Variants in AGAP1 observed in about 807,000 individuals in gnomAD.
AGAP1 encodes the protein arf-GAP with GTPase, ANK repeat and PH domain-containing protein 1.
A neutral mutation model predicts 105.3 loss-of-function variants in AGAP1; 29 were observed. The observed-to-expected ratio is 0.28, with a 90% CI of 0.21 to 0.38. AGAP1 has a LOEUF of 0.38. Among genes scored for constraint, AGAP1 ranks in the 10% least tolerant of loss-of-function variants. The pLI is 1.00. For synonymous variants in AGAP1, 509 were observed against 485.9 expected, an observed-to-expected ratio of 1.05 and a Z score of -0.63; for missense variants, 998 against 1,165.1, an observed-to-expected ratio of 0.86 and a Z score of 2.09.
Position 236,036,723 on chromosome 2 carries a change from C to G in AGAP1, c.1800+8C>G, listed in dbSNP as rs759915852. The G allele has an allele frequency of 6.2e-7, 1 of 1,613,998 alleles. No homozygotes were observed. On this transcript the variant is annotated splice_region_variant and intron_variant, in intron 14 of 17. Transcript: ENST00000304032. The surrounding 1 kb of genome is among the most constrained non-coding windows in gnomAD (Gnocchi z 5.7). ...GAGAGCAGCAAGAACAAGGTGAGGC[C>G]CCTGGCTGCCCAAAACCAAGGCTGG...
chr2:235,935,249 TCAAATTGCCGTCTGCCGGCTTGCAAGC>T (rs888505286), intron 12 of AGAP1, among the ~76,000 whole-genome samples: 1 of 152,132 alleles, frequency 6.6e-6, no homozygotes, highest in Non-Finnish European at 1.5e-5. Context: ...GTTGAGGGTT[TCAAATTGCCGTCTGCCGGCTTGCAAGC>T]CGCACGGAGG....
At position 235,556,888 on chromosome 2, in the gene AGAP1, C is replaced by T. The variant is rs1443361560; in HGVS notation, c.163+62039C>T. Among the ~76,000 whole-genome samples the T allele has an allele frequency of 6.6e-6, 1 of 152,174 alleles. No homozygotes were observed. The highest frequency in any genetic ancestry group is 2.4e-5 in the African/African-American group (1 of 41,452). ...TAAGCTTGTGTGGTCTTTTGCTCTT[C>T]ATTGGCAATGTAGAAGTCAAGTTTG... is the stretch of plus-strand genomic sequence containing the variant. On this transcript the variant is annotated intron_variant, in intron 1 of 17. Transcript: ENST00000304032. This position sits in a 1 kb window ranked among gnomAD's most constrained non-coding sequence, Gnocchi z 5.3.
rs1034583190 is a variant in AGAP1 at position 236,042,608 on chromosome 2, G to A, written c.1891+1767G>A. Among the ~76,000 whole-genome samples the A allele has an allele frequency of 1.3e-5, 2 of 152,140 alleles. No homozygotes were observed. The highest frequency in any genetic ancestry group is 2.4e-5 in the African/African-American group (1 of 41,426). ...TGTTTCCACCGTGCGTCTGAAGGTC[G>A]CTTTAAAAGGAAAGCCATCCGTGGC... On this transcript the variant is annotated intron_variant, in intron 15 of 17. Transcript: ENST00000304032. This position sits in a 1 kb window ranked among gnomAD's most constrained non-coding sequence, Gnocchi z 5.6.
intron 13 of AGAP1, among the ~76,000 whole-genome samples, chr2:236,016,771 G>T (rs1435275006): frequency 6.6e-6 from 1 of 152,178 alleles, no homozygotes; most frequent in Non-Finnish European, 1.5e-5. Flanking sequence ...CCCTCTGTCA[G>T]TAGCTATGAA....
At position 235,788,589 on chromosome 2, in the gene AGAP1, G is replaced by T. The variant is rs1032865567; in HGVS notation, c.674-9170G>T. On this transcript the variant is annotated intron_variant, in intron 6 of 17. Coordinates refer to ENST00000304032, the MANE Select transcript of AGAP1 (RefSeq NM_001037131.3). This position sits in a 1 kb window ranked among gnomAD's most constrained non-coding sequence, Gnocchi z 6.0. ...TAGGTGAGGCCGGGCAAGGAGAGGA[G>T]TGGGAGGGTCCATCGGTGTCGTCAG... Among the ~76,000 whole-genome samples the T allele has an allele frequency of 6.6e-6, 1 of 151,956 alleles. No homozygotes were observed. Among genetic ancestry groups the T allele is most frequent in the African/African-American group, 2.4e-5 (1 of 41,360 alleles).
At chr2:235,969,006 T>G (rs1357671527) in intron 13 of AGAP1, among the ~76,000 whole-genome samples, 1 of 152,224 alleles carries the variant, frequency 6.6e-6, no homozygotes, top group African/African-American at 2.4e-5. Flanking sequence ...ACTTCTAGTT[T>G]AGGAATCATC....
intron 8 of AGAP1, among the ~76,000 whole-genome samples, chr2:235,805,008 G>C (rs1957766607): frequency 6.6e-6 from 1 of 152,210 alleles, no homozygotes; most frequent in Non-Finnish European, 1.5e-5. Context: ...ATATGCTGGG[G>C]TGTCTATGTC....
chr2:235,731,952 T>C (rs901856627), intron 3 of AGAP1, among the ~76,000 whole-genome samples: 2 of 152,098 alleles, frequency 1.3e-5, no homozygotes, highest in African/African-American at 2.4e-5. Flanking sequence ...AGGGAAGAAA[T>C]GGAAGGGGCA....
Position 235,744,397 on chromosome 2 carries a change from C to G in AGAP1, c.397-301C>G, listed in dbSNP as rs774699331. On this transcript the variant is annotated intron_variant, in intron 4 of 17. Transcript: ENST00000304032. This position sits in a 1 kb window ranked among gnomAD's most constrained non-coding sequence, Gnocchi z 5.2. ...TTGGCAGGTCGGGGCAGCGGGCGGA[C>G]AGGCCAGGAGCATGAGGACCGCGGG... is the stretch of plus-strand genomic sequence containing the variant. Among the ~76,000 whole-genome samples, 4 of 152,132 alleles carry G rather than the reference C, an allele frequency of 2.6e-5. No homozygotes were observed. Among genetic ancestry groups the G allele is most frequent in the Admixed American group, 6.6e-5 (1 of 15,260 alleles).
At chr2:235,542,135 C>G (rs1170735695) in intron 1 of AGAP1, among the ~76,000 whole-genome samples, 1 of 152,020 alleles carries the variant, frequency 6.6e-6, no homozygotes, top group Non-Finnish European at 1.5e-5. Flanking sequence ...TGTTTGTGTG[C>G]TTTGTATTTT....
rs185892419 is a variant in AGAP1, at chr2:235,756,403, G to A, written c.673+5915G>A. On this transcript the variant is annotated intron_variant, in intron 6 of 17. Transcript: ENST00000304032. ...CTTTGTGGTAGCTGTATGGCATGTG[G>A]GATTTTAAAGGCCCCTGATTCCTAA... 1.1e-3 allele frequency among the ~76,000 whole-genome samples: 164 copies of A among 152,210 alleles called. 3 individuals carry two copies. The highest frequency in any genetic ancestry group is 6.8e-3 in the Middle Eastern group (2 of 294).
intron 8 of AGAP1, 108 bp from the exon 9 acceptor site, chr2:235,807,131 G>T (rs565458296): frequency 1.9e-6 from 2 of 1,072,314 alleles, no homozygotes; most frequent in African/African-American, 3.2e-5. Context: ...CACATAGATC[G>T]CGCATGTTTT....
chr2:236,124,702 T>C lies in AGAP1; in HGVS notation c.*580T>C, dbSNP rs562954152. On this transcript the variant is annotated 3_prime_UTR_variant, in exon 18 of 18. Coordinates refer to ENST00000304032, the MANE Select transcript of AGAP1 (RefSeq NM_001037131.3). The surrounding 1 kb of genome is among the most constrained non-coding windows in gnomAD (Gnocchi z 5.1). ...CTTCATTACACTTGTACAGCCGAGT[T>C]CTTCCCGCATTACTGCTGTTTAATA... is the stretch of plus-strand genomic sequence containing the variant. 1.3e-5 allele frequency: 2 copies of C among 157,294 alleles called. No homozygotes were observed. The highest frequency in any genetic ancestry group is 3.8e-4 in the East Asian group (2 of 5,248). The allele number at this position is 157,294 out of a possible 1,614,324, so 9.7% of individuals were successfully genotyped here.
Position 235,838,590 on chromosome 2 carries a change from A to T in AGAP1, c.1050+31259A>T, listed in dbSNP as rs113980553. On this transcript the variant is annotated intron_variant, in intron 9 of 17. Coordinates refer to ENST00000304032, the MANE Select transcript of AGAP1 (RefSeq NM_001037131.3). ...TATGTATTAGCCACCATCAGTAGTT[A>T]TAAAAAGGAAATTGATTTAGTGAGA... Among the ~76,000 whole-genome samples, 1,108 of 152,368 alleles carry T rather than the reference A, an allele frequency of 7.3e-3. 7 individuals carry two copies. The highest frequency in any genetic ancestry group is 0.025 in the African/African-American group (1,055 of 41,588).
At position 236,118,501 on chromosome 2, in the gene AGAP1, T is replaced by C. The variant is rs192910519; in HGVS notation, c.2115-1691T>C. Among the ~76,000 whole-genome samples the C allele has an allele frequency of 1.9e-3, 281 of 146,796 alleles. 1 individual carries two copies. Among genetic ancestry groups the C allele is most frequent in the Middle Eastern group, 3.4e-3 (1 of 290 alleles). On this transcript the variant is annotated intron_variant, in intron 16 of 17. Coordinates refer to ENST00000304032, the MANE Select transcript of AGAP1 (RefSeq NM_001037131.3). ...GCCTCCCGGGTTCAAGCCATTCTCCTACCTCGGCTTCCCGAGTAGCTGGGA... is the reference window on the plus strand; with the variant it reads ...GCCTCCCGGGTTCAAGCCATTCTCCCACCTCGGCTTCCCGAGTAGCTGGGA...
chr2:235,834,589 C>A (rs993737391), intron 9 of AGAP1, among the ~76,000 whole-genome samples: 1 of 152,152 alleles, frequency 6.6e-6, no homozygotes, highest in African/African-American at 2.4e-5. Flanking sequence ...AATATTTTAC[C>A]TGGAATGTCA....
chr2:236,026,372 G>A (rs1230685600), intron 13 of AGAP1, among the ~76,000 whole-genome samples: 1 of 152,230 alleles, frequency 6.6e-6, no homozygotes, highest in Non-Finnish European at 1.5e-5. Flanking sequence ...CACCACCTCT[G>A]TGTACCATGT....
intron 1 of AGAP1, among the ~76,000 whole-genome samples, chr2:235,683,863 C>T (rs1045593830): frequency 3.1e-4 from 47 of 150,836 alleles, no homozygotes; most frequent in African/African-American, 1.1e-3. Flanking sequence ...CCGTCCCCCG[C>T]CCGGCCCCAG....
In AGAP1 at chr2:236,064,409, G is replaced by A. The variant is rs538194688; in HGVS notation, c.2114+15128G>A. ...AGTTTGAGACCTGCCTGGCCAACAT[G>A]TTGAAATCCTGTCTGTACTAAAAAA... On this transcript the variant is annotated intron_variant, in intron 16 of 17. Transcript: ENST00000304032. Among the ~76,000 whole-genome samples, 49 of 152,120 alleles carry A rather than the reference G, an allele frequency of 3.2e-4. No individual in the cohort carries two copies. The South Asian group carries it at 3.9e-3, about 12-fold the overall frequency.
Sources: allele counts gnomAD v4.1 joint callset (sites outside exome capture counted in the v4.1 genomes callset), GRCh38; gene constraint gnomAD v4.1.1; non-coding constraint Gnocchi (gnomAD v3.1); transcripts MANE v1.5; gene names NCBI Gene and HGNC (gene_info 2026-07-23, HGNC 2026-07-21).